ASTN2: variants seen among roughly 807,000 people sequenced by gnomAD.
The protein encoded by ASTN2 is astrotactin 2.
A neutral mutation model predicts 139.8 loss-of-function variants in ASTN2; 54 were observed. The observed-to-expected ratio is 0.39, with a 90% CI of 0.31 to 0.48. The LOEUF is 0.48. Ranked by LOEUF, ASTN2 falls within the 20% of genes least tolerant of loss-of-function variation. The pLI, the probability that ASTN2 is intolerant of heterozygous loss-of-function variation, is 0.95. For missense variants in ASTN2, 1,565 were observed against 1,725.1 expected (o/e 0.91, Z 1.64); for synonymous variants, 756 against 719.5 (o/e 1.05, Z -0.81).
chr9:116,942,781 A>G (rs1769446831), intron 10 of ASTN2, among the ~76,000 whole-genome samples: 1 of 152,232 alleles, frequency 6.6e-6, no homozygotes, highest in African/African-American at 2.4e-5. Context: ...ATAAGAGGCC[A>G]AGTTCAGCCC....
intron 3 of ASTN2, among the ~76,000 whole-genome samples, chr9:117,160,944 C>CACACACACACGCACACAT (rs1830536770): frequency 6.6e-6 from 1 of 151,958 alleles, no homozygotes; most frequent in African/African-American, 2.4e-5. Context: ...AAAGTACACA[C>CACACACACACGCACACAT]ACACACACAC....
chr9:116,917,088 T>C (rs1209017219), intron 10 of ASTN2, among the ~76,000 whole-genome samples: 1 of 152,084 alleles, frequency 6.6e-6, no homozygotes, highest in Non-Finnish European at 1.5e-5. Flanking sequence ...ATCACATTCT[T>C]ACTGCACACA....
In ASTN2 at chr9:116,907,392, C is replaced by A. The variant is rs113480560; in HGVS notation, c.1890-43659G>T. Among the ~76,000 whole-genome samples, 360 of 152,288 alleles carry A rather than the reference C, an allele frequency of 2.4e-3. 1 individual carries two copies. Among genetic ancestry groups the A allele is most frequent in the African/African-American group, 7.8e-3 (324 of 41,570 alleles). On this transcript the variant is annotated intron_variant, in intron 10 of 22. Coordinates refer to ENST00000313400, the MANE Select transcript of ASTN2 (RefSeq NM_001365068.1). Reference sequence around the variant, plus strand: ...AGGCACATCAGAGAGTATGAGACAACCCCTCAGGGAAGTGTCCGAGGCAGG... The same window carrying A: ...AGGCACATCAGAGAGTATGAGACAAACCCTCAGGGAAGTGTCCGAGGCAGG...
At chr9:116,691,772 C>T (rs1266137811) in intron 16 of ASTN2, among the ~76,000 whole-genome samples, 2 of 152,174 alleles carry the variant, frequency 1.3e-5, no homozygotes, top group Non-Finnish European at 2.9e-5. Context: ...TAAAGTCAGT[C>T]CTGCTAACGA....
intron 13 of ASTN2, among the ~76,000 whole-genome samples, chr9:116,748,964 T>C (rs1342958156): frequency 6.6e-6 from 1 of 152,198 alleles, no homozygotes; most frequent in African/African-American, 2.4e-5. Context: ...GGACACCTTA[T>C]GTCTTCTCTC....
intron 19 of ASTN2, among the ~76,000 whole-genome samples, chr9:116,497,795 T>C (rs1446978462): frequency 6.6e-6 from 1 of 152,118 alleles, no homozygotes; most frequent in Non-Finnish European, 1.5e-5. Context: ...ACAGTGTGAG[T>C]TCACTGCCTT....
intron 10 of ASTN2, among the ~76,000 whole-genome samples, chr9:116,924,770 A>G: frequency 6.6e-6 from 1 of 152,086 alleles, no homozygotes; most frequent in East Asian, 1.9e-4. Flanking sequence ...TTTTGGTGGG[A>G]TTTGGATAGC....
intron 10 of ASTN2, among the ~76,000 whole-genome samples, chr9:116,877,777 G>GT (rs144501735): frequency 0.013 from 2,043 of 151,830 alleles, 48 homozygotes; most frequent in African/African-American, 0.046. Context: ...CATTCCTCTG[G>GT]CAAAAAAAGC....
chr9:117,121,012 G>A (rs943576942), intron 4 of ASTN2, among the ~76,000 whole-genome samples: 1 of 152,200 alleles, frequency 6.6e-6, no homozygotes, highest in Non-Finnish European at 1.5e-5. Flanking sequence ...ACAGCCTGGG[G>A]TACACAGTAT....
At chr9:116,468,129 C>A (rs909013970) in intron 20 of ASTN2, among the ~76,000 whole-genome samples, 13 of 152,156 alleles carry the variant, frequency 8.5e-5, no homozygotes, top group Non-Finnish European at 8.8e-5. Flanking sequence ...GCTGTTATCC[C>A]CACTGGAATG....
intron 1 of ASTN2, among the ~76,000 whole-genome samples, chr9:117,338,479 G>C (rs573088602): frequency 6.6e-6 from 1 of 152,178 alleles, no homozygotes; most frequent in South Asian, 2.1e-4. Context: ...AACTTTTTCA[G>C]ATGCCCCATC....
At chr9:116,771,260 A>T (rs898912511) in intron 13 of ASTN2, among the ~76,000 whole-genome samples, 1 of 152,174 alleles carries the variant, frequency 6.6e-6, no homozygotes, top group Admixed American at 6.5e-5. Context: ...CACCAGTCAG[A>T]CTAGACAAGA....
chr9:116,731,210 A>C (rs1029471768), intron 14 of ASTN2, among the ~76,000 whole-genome samples: 1 of 144,424 alleles, frequency 6.9e-6, no homozygotes, highest in Non-Finnish European at 1.5e-5. Flanking sequence ...TAATAATAAT[A>C]ATAATAATAA....
chr9:116,438,474 C>A (rs1468734425), intron 22 of ASTN2, among the ~76,000 whole-genome samples: 10 of 152,182 alleles, frequency 6.6e-5, no homozygotes, highest in Admixed American at 6.5e-4. Flanking sequence ...AGAAATTCTT[C>A]AGTGGCTCCA....
intron 19 of ASTN2, among the ~76,000 whole-genome samples, chr9:116,526,134 A>G (rs1226802489): frequency 6.6e-6 from 1 of 152,074 alleles, no homozygotes; most frequent in South Asian, 2.1e-4. Context: ...TCCAGACCCA[A>G]CCTCTGTTAT....
chr9:116,834,717 C>T (rs1221713342), intron 11 of ASTN2, among the ~76,000 whole-genome samples: 1 of 152,174 alleles, frequency 6.6e-6, no homozygotes, highest in African/African-American at 2.4e-5. Context: ...TGCTTTTAAA[C>T]CCACTCCACT....
chr9:116,579,059 A>G (rs1227751296), intron 19 of ASTN2: 2 of 152,170 alleles, frequency 1.3e-5, no homozygotes, highest in Non-Finnish European at 2.9e-5. Context: ...AAGGAAAAAA[A>G]AAAGGTAAGG....
At chr9:117,066,064 T>A (rs1027511285) in intron 5 of ASTN2, among the ~76,000 whole-genome samples, 1 of 150,060 alleles carries the variant, frequency 6.7e-6, no homozygotes, top group Non-Finnish European at 1.5e-5. Flanking sequence ...CATGTGCACA[T>A]TGTGCAGGTT....
At chr9:116,586,061 G>C (rs1256442732) in intron 19 of ASTN2, 1 of 152,156 alleles carries the variant, frequency 6.6e-6, no homozygotes, top group Non-Finnish European at 1.5e-5. Context: ...CACATTACTA[G>C]TCATCAGAGA....
Sources: allele counts gnomAD v4.1 joint callset (sites outside exome capture counted in the v4.1 genomes callset), GRCh38; gene constraint gnomAD v4.1.1; transcripts MANE v1.5; gene names NCBI Gene and HGNC (gene_info 2026-07-23, HGNC 2026-07-21).